The following ADGRD1 variants were observed in gnomAD, a reference collection of about 807,000 sequenced individuals.
ADGRD1 encodes G-protein coupled receptor 133.
In ADGRD1, 77 loss-of-function variants were observed where a neutral mutation model predicts 113.4. The observed-to-expected ratio is 0.68, with a 90% CI of 0.57 to 0.82. ADGRD1 has a LOEUF of 0.82. ADGRD1 is among the 40% of genes least tolerant of loss of function. The pLI is 0.00. For synonymous variants in ADGRD1, 474 were observed against 475.0 expected (o/e 1.00, Z 0.03); for missense variants, 1,036 against 1,139.1 (o/e 0.91, Z 1.30).
chr12:131,112,182 T>G (rs766028264), intron 18 of ADGRD1, among the ~76,000 whole-genome samples: 7 of 152,156 alleles, frequency 4.6e-5, no homozygotes, highest in Non-Finnish European at 7.3e-5. Context: ...CTGACATCAC[T>G]CCCCAGAGGG....
rs1871032571 is a variant in ADGRD1 at position 130,966,652 on chromosome 12, G to A, written c.187+106G>A. Reference sequence around the variant, plus strand: ...GCCTTGAAATCCCAGGGCCATTGGGGGACGTGGGTGCTGAGAGTGACTGTG... The same window carrying A: ...GCCTTGAAATCCCAGGGCCATTGGGAGACGTGGGTGCTGAGAGTGACTGTG... On this transcript the variant is annotated intron_variant, in intron 3 of 24. Coordinates refer to ENST00000261654, the MANE Select transcript of ADGRD1 (RefSeq NM_198827.5). This position sits in a 1 kb window ranked among gnomAD's most constrained non-coding sequence, Gnocchi z 4.6. 2.7e-6 allele frequency: 2 copies of A among 747,682 alleles called. No homozygotes were observed. The highest frequency in any genetic ancestry group is 2.5e-5 in the East Asian group (1 of 39,788). 46.3% of individuals were successfully genotyped at this position (747,682 alleles called of 1,614,324 possible). A position where few individuals can be genotyped will look rare whatever the true frequency, so the allele number is the denominator to read the frequency against.
rs1006718306 is a variant in ADGRD1, at chr12:130,954,376, C to A, written c.-90C>A. The A allele has an allele frequency of 1.7e-6, 2 of 1,189,230 alleles. No homozygotes were observed. The highest frequency in any genetic ancestry group is 2.4e-6 in the Non-Finnish European group (2 of 848,402). The allele number at this position is 1,189,230 out of a possible 1,614,324, so 73.7% of individuals were successfully genotyped here. A position where few individuals can be genotyped will look rare whatever the true frequency, so the allele number is the denominator to read the frequency against. ...TCCCCTGGAACCTGTGAAAATGTCC[C>A]TTTTCCAAGGAAGTGAAGGTTAAGA... On this transcript the variant is annotated 5_prime_UTR_variant, in exon 1 of 25. Transcript: ENST00000261654. This position sits in a 1 kb window ranked among gnomAD's most constrained non-coding sequence, Gnocchi z 4.7.
intron 13 of ADGRD1, among the ~76,000 whole-genome samples, chr12:131,020,876 T>C (rs1447200268): frequency 6.6e-6 from 1 of 152,168 alleles, no homozygotes; most frequent in Non-Finnish European, 1.5e-5. Context: ...CTCCTTGGGG[T>C]GTCACCGTCA....
At chr12:130,978,676 T>A (rs1429333596) in intron 4 of ADGRD1, 1 of 151,572 alleles carries the variant, frequency 6.6e-6, no homozygotes, top group Non-Finnish European at 1.5e-5. Context: ...ATGGATGGCC[T>A]TCGATCTACC....
At chr12:131,085,126 G>C (rs1010256511) in intron 15 of ADGRD1, among the ~76,000 whole-genome samples, 2 of 152,342 alleles carry the variant, frequency 1.3e-5, no homozygotes, top group African/African-American at 4.8e-5. Context: ...TAGTCACTTT[G>C]AATCAGTGGA....
intron 19 of ADGRD1, among the ~76,000 whole-genome samples, chr12:131,120,518 C>A (rs1950567694): frequency 6.6e-6 from 1 of 152,110 alleles, no homozygotes; most frequent in African/African-American, 2.4e-5. Context: ...CACAGAAGGC[C>A]CCTATTGGGT....
At chr12:131,138,524 C>T (rs546928155) in intron 24 of ADGRD1, among the ~76,000 whole-genome samples, 7 of 152,308 alleles carry the variant, frequency 4.6e-5, no homozygotes, top group African/African-American at 9.6e-5. Flanking sequence ...GGCCCATCCC[C>T]GCCGCCCTCC....
At chr12:131,007,734 T>A (rs760418641) in intron 12 of ADGRD1, among the ~76,000 whole-genome samples, 1 of 152,244 alleles carries the variant, frequency 6.6e-6, no homozygotes, top group Non-Finnish European at 1.5e-5. Context: ...ACATGTTCCA[T>A]GAGCAGCACA....
chr12:130,993,934 G>C (rs910386941), intron 8 of ADGRD1: 3 of 160,262 alleles, frequency 1.9e-5, no homozygotes, highest in South Asian at 1.8e-4. Context: ...GGGAAAGAAC[G>C]GGTCGGGAGA....
rs145098255 is a variant in ADGRD1, at chr12:130,972,668, G to A, written c.310+1088G>A. Among the ~76,000 whole-genome samples, 218 of 151,922 alleles carry A rather than the reference G, an allele frequency of 1.4e-3. 1 individual carries two copies. The highest frequency in any genetic ancestry group is 5.0e-3 in the African/African-American group (209 of 41,442). The stretch of plus-strand genomic sequence containing the variant: ...GGCGTGAGCTCGGTGGCAGGGGCGA[G>A]GAGGACGGGAGAGTAATATGTGCTC... On this transcript the variant is annotated intron_variant, in intron 4 of 24. Coordinates refer to ENST00000261654, the MANE Select transcript of ADGRD1 (RefSeq NM_198827.5).
At chr12:130,987,020 T>G in intron 5 of ADGRD1, 75 bp from the exon 6 acceptor site, 3 of 1,338,278 alleles carry the variant, frequency 2.2e-6, no homozygotes, top group Non-Finnish European at 3.2e-6. Context: ...AGGATGTGCC[T>G]ACAAACAGGA....
intron 20 of ADGRD1, among the ~76,000 whole-genome samples, chr12:131,125,024 C>T (rs1005409439): frequency 1.3e-5 from 2 of 152,190 alleles, no homozygotes; most frequent in African/African-American, 4.8e-5. Flanking sequence ...TTGTAGATAA[C>T]TGTCTTTTCC....
chr12:131,073,293 G>A (rs907622828), intron 13 of ADGRD1, among the ~76,000 whole-genome samples: 3 of 152,216 alleles, frequency 2.0e-5, no homozygotes, highest in African/African-American at 4.8e-5. Flanking sequence ...TTTCCTTGTC[G>A]TATCTCTCCC....
intron 15 of ADGRD1, among the ~76,000 whole-genome samples, chr12:131,099,210 G>C (rs577696181): frequency 2.8e-4 from 42 of 152,160 alleles, no homozygotes; most frequent in Non-Finnish European, 5.3e-4. Context: ...CTCCTGTCCT[G>C]TCTGTCAGGT....
intron 4 of ADGRD1, chr12:130,977,141 T>G (rs1593283051): frequency 6.6e-6 from 1 of 152,198 alleles, no homozygotes; most frequent in East Asian, 1.9e-4. Flanking sequence ...TGGTCAGGGG[T>G]AAGGAGTGAC....
chr12:131,139,311 C>T lies in ADGRD1; in HGVS notation c.*48C>T. 1 of 1,307,202 alleles carries T rather than the reference C, an allele frequency of 7.6e-7. No homozygotes were observed. Among genetic ancestry groups the T allele is most frequent in the Non-Finnish European group, 1.1e-6 (1 of 919,244 alleles). 81.0% of individuals were successfully genotyped at this position (1,307,202 alleles called of 1,614,324 possible). A position where few individuals can be genotyped will look rare whatever the true frequency, so the allele number is the denominator to read the frequency against. On this transcript the variant is annotated 3_prime_UTR_variant, in exon 25 of 25. Transcript: ENST00000261654. ...CAGGCTGCGCTCAGAACACACCCCC[C>T]CAAACAGAATGAAATGCCCCACCTT...
chr12:131,014,884 C>T (rs1195157346), intron 13 of ADGRD1, among the ~76,000 whole-genome samples: 1 of 152,226 alleles, frequency 6.6e-6, no homozygotes, highest in Non-Finnish European at 1.5e-5. Context: ...TACCGATGCA[C>T]TGCCATTCTT....
Position 131,075,743 on chromosome 12 carries a change from G to A in ADGRD1, c.1474-1058G>A, listed in dbSNP as rs940819871. Among the ~76,000 whole-genome samples, 4 of 151,928 alleles carry A rather than the reference G, an allele frequency of 2.6e-5. No homozygotes were observed. Among genetic ancestry groups the A allele is most frequent in the African/African-American group, 7.3e-5 (3 of 41,170 alleles). ...GGCTTTTGGTCGAGGCCAGGATGGC[G>A]CTCATGAGGGGGGCTGCCCTCGTGG... On this transcript the variant is annotated intron_variant, in intron 13 of 24. Coordinates refer to ENST00000261654, the MANE Select transcript of ADGRD1 (RefSeq NM_198827.5). This position sits in a 1 kb window ranked among gnomAD's most constrained non-coding sequence, Gnocchi z 5.3.
rs1886300708 is a variant in ADGRD1 at position 131,084,422 on chromosome 12, A to C, written c.1548-118A>C. On this transcript the variant is annotated intron_variant, in intron 14 of 24. Transcript: ENST00000261654. This position sits in a 1 kb window ranked among gnomAD's most constrained non-coding sequence, Gnocchi z 4.5. ...TCTGGGTGTGCATTCCTGGCGTGGC[A>C]GGTGTGGGCGCCGCCATGAGTTCAC... is the stretch of plus-strand genomic sequence containing the variant. 2 of 1,040,460 alleles carry C rather than the reference A, an allele frequency of 1.9e-6. No individual in the cohort carries two copies. Among genetic ancestry groups the C allele is most frequent in the Non-Finnish European group, 2.9e-6 (2 of 688,460 alleles). The allele number at this position is 1,040,460 out of a possible 1,614,324, so 64.5% of individuals were successfully genotyped here. A position where few individuals can be genotyped will look rare whatever the true frequency, so the allele number is the denominator to read the frequency against.
Sources: gnomAD v4.1 joint callset for allele counts (sites outside exome capture counted in the v4.1 genomes callset) on GRCh38, gnomAD v4.1.1 for gene constraint, Gnocchi (gnomAD v3.1) non-coding constraint, MANE v1.5 for transcripts, NCBI Gene and HGNC (gene_info 2026-07-23, HGNC 2026-07-21) for gene names.